The following SDK1 variants were observed in gnomAD, a reference collection of about 807,000 sequenced individuals.
SDK1 encodes the protein protein sidekick-1.
SDK1 carries 157 observed loss-of-function variants against 245.5 expected under a neutral mutation model. The ratio of observed to expected loss-of-function variants is 0.64; its 90% confidence interval spans 0.56 to 0.73. The LOEUF is 0.73. SDK1 is among the 30% of genes least tolerant of loss of function. The pLI is 0.00. For missense variants in SDK1, 3,583 were observed against 3,002.3 expected, an observed-to-expected ratio of 1.19 and a Z score of -4.52; for synonymous variants, 1,647 against 1,278.5, an observed-to-expected ratio of 1.29 and a Z score of -6.15.
chr7:3,932,056 C>A (rs1017415240), intron 5 of SDK1, among the ~76,000 whole-genome samples: 1 of 152,168 alleles, frequency 6.6e-6, no homozygotes, highest in African/African-American at 2.4e-5. Context: ...TAATCATTGA[C>A]CTGCCACGTT....
chr7:3,630,889 T>G (rs974517345), intron 2 of SDK1, among the ~76,000 whole-genome samples: 1 of 152,014 alleles, frequency 6.6e-6, no homozygotes, highest in African/African-American at 2.4e-5. Flanking sequence ...ATTACATAAC[T>G]AAAATCTAAA....
At chr7:3,659,199 T>C (rs2128658777) in intron 4 of SDK1, among the ~76,000 whole-genome samples, 1 of 152,292 alleles carries the variant, frequency 6.6e-6, no homozygotes, top group African/African-American at 2.4e-5. Context: ...TGGACTACGT[T>C]CTGTGGGGGT....
chr7:3,744,702 C>G (rs942956698), intron 4 of SDK1, among the ~76,000 whole-genome samples: 11 of 151,918 alleles, frequency 7.2e-5, no homozygotes, highest in Admixed American at 6.6e-4. Flanking sequence ...GTCTCAGCTA[C>G]TCGGGAGGCT....
At chr7:3,402,799 C>G (rs1778925208) in intron 1 of SDK1, among the ~76,000 whole-genome samples, 1 of 152,140 alleles carries the variant, frequency 6.6e-6, no homozygotes, top group African/African-American at 2.4e-5. Flanking sequence ...TTATTCTACA[C>G]TCAACAGTAG....
intron 40 of SDK1, among the ~76,000 whole-genome samples, chr7:4,223,721 T>C (rs903364535): frequency 1.1e-4 from 16 of 152,246 alleles, no homozygotes; most frequent in African/African-American, 3.4e-4. Context: ...TTGGGAGGTA[T>C]TGGGGGTTCG....
intron 22 of SDK1, among the ~76,000 whole-genome samples, chr7:4,094,770 C>T (rs903203225): frequency 6.6e-6 from 1 of 152,128 alleles, no homozygotes; most frequent in Admixed American, 6.5e-5. Flanking sequence ...CCAGGAGAAT[C>T]GGGTCACTCA....
At chr7:3,905,718 G>A (rs573593850) in intron 5 of SDK1, among the ~76,000 whole-genome samples, 107 of 151,824 alleles carry the variant, frequency 7.0e-4, no homozygotes, top group African/African-American at 2.4e-3. Context: ...GAACTCCTGG[G>A]TTCAAGCAAT....
At chr7:4,039,482 T>G (rs10255034) in intron 17 of SDK1, among the ~76,000 whole-genome samples, 3,992 of 152,274 alleles carry the variant, frequency 0.026, 163 homozygotes, top group African/African-American at 0.091. Flanking sequence ...TTTGATTGCA[T>G]ACATCCTCAA....
Position 4,051,534 on chromosome 7 carries a change from T to C in SDK1, c.2719-104T>C, listed in dbSNP as rs1206454314. 4.0e-6 allele frequency: 4 copies of C among 998,404 alleles called. No individual in the cohort carries two copies. In the African/African-American group the frequency reaches 6.7e-5, roughly 17 times the overall value. The allele number at this position is 998,404 out of a possible 1,614,324, so 61.8% of individuals were successfully genotyped here. A position where few individuals can be genotyped will look rare whatever the true frequency, so the allele number is the denominator to read the frequency against. ...TGCAGGATTTATGGACTTTCTTAAT[T>C]ATGACTTTACATTTTAAAAGACAAA... is the stretch of plus-strand genomic sequence containing the variant. On this transcript the variant is annotated intron_variant, in intron 18 of 44. Transcript: ENST00000404826.
rs10577617 is a variant in SDK1, at chr7:3,637,053, CAGAG to C, written c.459-1932_459-1929del. On this transcript the variant is annotated intron_variant, in intron 2 of 44. Transcript: ENST00000404826. ...TTTTTTAAGCTTTTTTTTCCTGATG[CAGAG>C]AGAGAGAGAGAGAGAGAGTGCGTGC... 7.2e-3 allele frequency among the ~76,000 whole-genome samples: 1,067 copies of C among 147,792 alleles called. 5 individuals are homozygous for C. Among genetic ancestry groups the C allele is most frequent in the African/African-American group, 0.017 (664 of 40,208 alleles).
intron 42 of SDK1, among the ~76,000 whole-genome samples, 196 bp downstream of exon 42, chr7:4,237,980 C>G (rs996112952): frequency 1.3e-5 from 2 of 152,174 alleles, no homozygotes; most frequent in African/African-American, 4.8e-5. Flanking sequence ...CCTCGGGACC[C>G]AGATGCTGAC....
chr7:3,511,591 T>A (rs202011717), intron 1 of SDK1, among the ~76,000 whole-genome samples: 1 of 152,172 alleles, frequency 6.6e-6, no homozygotes, highest in South Asian at 2.1e-4. Flanking sequence ...TTCTTAACAT[T>A]GTTGATCTTT....
At chr7:4,083,012 G>C (rs1338456055) in intron 22 of SDK1, among the ~76,000 whole-genome samples, 1 of 152,130 alleles carries the variant, frequency 6.6e-6, no homozygotes, top group African/African-American at 2.4e-5. Context: ...TTTGATAAAA[G>C]TAGGATTCAC....
intron 18 of SDK1, among the ~76,000 whole-genome samples, chr7:4,050,938 A>T (rs1454023740): frequency 1.4e-5 from 2 of 141,604 alleles, no homozygotes; most frequent in Non-Finnish European, 3.0e-5. Flanking sequence ...ATACATACAT[A>T]CTATACGTAT....
intron 1 of SDK1, among the ~76,000 whole-genome samples, chr7:3,615,897 G>C (rs1268082312): frequency 1.4e-5 from 2 of 139,932 alleles, no homozygotes; most frequent in African/African-American, 2.5e-5. Context: ...TTTTTTCTGA[G>C]ACAGGGTCTT....
At chr7:3,747,403 T>A (rs950422651) in intron 4 of SDK1, among the ~76,000 whole-genome samples, 5 of 150,704 alleles carry the variant, frequency 3.3e-5, no homozygotes, top group African/African-American at 1.0e-4. Context: ...GCATTCAAAG[T>A]GTATGTAACA....
At chr7:4,186,877 G>T (rs564709216) in intron 35 of SDK1, among the ~76,000 whole-genome samples, 2 of 152,108 alleles carry the variant, frequency 1.3e-5, no homozygotes, top group East Asian at 3.9e-4. Flanking sequence ...CCTCCTCCAC[G>T]GGCCTTCTCC....
At chr7:3,914,555 T>C (rs1466106478) in intron 5 of SDK1, among the ~76,000 whole-genome samples, 1 of 152,254 alleles carries the variant, frequency 6.6e-6, no homozygotes, top group Non-Finnish European at 1.5e-5. Flanking sequence ...CTGAAGCTAT[T>C]TTTAAAAAGC....
At chr7:3,851,915 A>G (rs1162658374) in intron 5 of SDK1, among the ~76,000 whole-genome samples, 1 of 152,236 alleles carries the variant, frequency 6.6e-6, no homozygotes, top group South Asian at 2.1e-4. Context: ...TTGACAAATA[A>G]GAGAAAAATG....
Sources: allele counts gnomAD v4.1 joint callset (sites outside exome capture counted in the v4.1 genomes callset), GRCh38; gene constraint gnomAD v4.1.1; transcripts MANE v1.5; gene names NCBI Gene and HGNC (gene_info 2026-07-23, HGNC 2026-07-21).